Variants in TLCD4 observed in about 807,000 individuals in gnomAD.
TLCD4 encodes TLC domain-containing protein 4.
A neutral mutation model predicts 24.2 loss-of-function variants in TLCD4; 7 were observed. That is an observed-to-expected ratio of 0.29 (90% CI 0.16 to 0.54). TLCD4 has a LOEUF of 0.54. TLCD4 is among the 20% of genes least tolerant of loss of function. TLCD4 has a pLI of 0.95. For synonymous variants in TLCD4, 103 were observed against 106.4 expected (o/e 0.97, Z 0.20); for missense variants, 259 against 313.9 (o/e 0.82, Z 1.32).
At chr1:95,110,713 ACT>A in the TLCD4 span, among the ~76,000 whole-genome samples, 1 of 151,948 alleles carries the variant, frequency 6.6e-6, no homozygotes, top group Non-Finnish European at 1.5e-5. Flanking sequence ...ACATGGCAAC[ACT>A]CTGTCTCTAC....
Position 95,148,765 on chromosome 1 carries a change from T to C in TLCD4, c.219T>C (p.Asp73=), listed in dbSNP as rs933586814. 6.2e-7 allele frequency: 1 copy of C among 1,613,792 alleles called. No individual in the cohort carries two copies. Among genetic ancestry groups the C allele is most frequent in the Admixed American group, 1.7e-5 (1 of 60,016 alleles). Residue 73 remains aspartate, a synonymous_variant, in exon 3 of 7, where the codon GAT becomes GAC. Coordinates refer to ENST00000370203, the MANE Select transcript of TLCD4 (RefSeq NM_152487.3). ...TTGGCCTGTACATTTTCTTATTCGA[T>C]GAGGCTACTAAAGCTGATCCACTTT... The part of the protein sequence containing the change: ...GIFGLYIFLF[D]EATKADPLWG...
intron 2 of TLCD4, among the ~76,000 whole-genome samples, chr1:95,144,833 G>A (rs937067933): frequency 9.2e-5 from 14 of 152,058 alleles, no homozygotes; most frequent in Non-Finnish European, 1.9e-4. Context: ...TGGGATTACA[G>A]GCATGCGCCA....
At chr1:95,109,852 CT>C in the TLCD4 span, among the ~76,000 whole-genome samples, 8 of 137,678 alleles carry the variant, frequency 5.8e-5, no homozygotes, top group African/African-American at 1.1e-4. Context: ...TCTTTTTCTT[CT>C]TTTATTTTGT....
At chr1:95,106,547 G>A in the TLCD4 span, among the ~76,000 whole-genome samples, 2 of 152,050 alleles carry the variant, frequency 1.3e-5, no homozygotes, top group South Asian at 2.1e-4. Context: ...CCAAAAATTG[G>A]CTGGGCGTAG....
intron 1 of TLCD4, among the ~76,000 whole-genome samples, chr1:95,141,767 T>C (rs962017096): frequency 6.7e-6 from 1 of 148,566 alleles, no homozygotes; most frequent in Non-Finnish European, 1.5e-5. Flanking sequence ...TAGAGAAGAA[T>C]TGTAATATCA....
At chr1:95,155,779 TTTTTC>T (rs1677616044) in intron 5 of TLCD4, among the ~76,000 whole-genome samples, 1 of 151,750 alleles carries the variant, frequency 6.6e-6, no homozygotes, top group Non-Finnish European at 1.5e-5. Context: ...GATTTTTTTA[TTTTTC>T]TTTTTTTCCT....
At position 95,194,076 on chromosome 1, in the gene TLCD4, T is replaced by G. The variant is rs1484569128; in HGVS notation, c.*2208T>G. ...GTGAGTCTCCATGTAGCAGTTTGTT[T>G]TTATAGTTACTGTTTCATGCTTAAA... On this transcript the variant is annotated 3_prime_UTR_variant, in exon 7 of 7. Transcript: ENST00000370203. 6.6e-6 allele frequency: 1 copy of G among 152,106 alleles called. No individual in the cohort carries two copies. Among genetic ancestry groups the G allele is most frequent in the East Asian group, 1.9e-4 (1 of 5,196 alleles). The allele number at this position is 152,106 out of a possible 1,614,324, so 9.4% of individuals were successfully genotyped here.
chr1:95,192,209 G>A lies in TLCD4; in HGVS notation c.*341G>A, dbSNP rs967907975. On this transcript the variant is annotated 3_prime_UTR_variant, in exon 7 of 7. Transcript: ENST00000370203. ...AGCTACTCGGGAGGCTGAGGCAGGA[G>A]AATCGCTTGAACCCGAGAGACGGAG... is the stretch of plus-strand genomic sequence containing the variant. 6 of 202,266 alleles carry A rather than the reference G, an allele frequency of 3.0e-5. No individual in the cohort carries two copies. Among genetic ancestry groups the A allele is most frequent in the Non-Finnish European group, 5.9e-5 (6 of 102,154 alleles). 12.5% of individuals were successfully genotyped at this position (202,266 alleles called of 1,614,324 possible).
chr1:95,097,714 GA>G, the TLCD4 span, among the ~76,000 whole-genome samples: 1 of 151,992 alleles, frequency 6.6e-6, no homozygotes, highest in Non-Finnish European at 1.5e-5. Flanking sequence ...GCCCCCTTTT[GA>G]AAGGAGATGG....
intron 1 of TLCD4, among the ~76,000 whole-genome samples, chr1:95,123,989 C>T (rs1676642795): frequency 6.6e-6 from 1 of 152,184 alleles, no homozygotes; most frequent in African/African-American, 2.4e-5. Flanking sequence ...AATATTCACT[C>T]AGCAGTGAAA....
intron 6 of TLCD4, among the ~76,000 whole-genome samples, chr1:95,190,619 G>A (rs969441320): frequency 4.0e-5 from 6 of 151,234 alleles, no homozygotes; most frequent in Admixed American, 1.3e-4. Flanking sequence ...GAGCCACTGC[G>A]CCTGGCTGGC....
chr1:95,137,627 A>T lies in TLCD4; in HGVS notation c.-11-6264A>T, dbSNP rs75885829. 4.4e-3 allele frequency among the ~76,000 whole-genome samples: 673 copies of T among 151,878 alleles called. 28 individuals carry two copies. In the East Asian group the frequency reaches 0.092, roughly 21 times the overall value. On this transcript the variant is annotated intron_variant, in intron 1 of 6. Transcript: ENST00000370203. ...AACTGAGTCTGTTTTTTCTAAAGTC[A>T]ATTTCCTTTAAAATTGCCCCTTCTT...
At chr1:95,127,051 A>G (rs1352165678) in intron 1 of TLCD4, among the ~76,000 whole-genome samples, 2 of 152,256 alleles carry the variant, frequency 1.3e-5, no homozygotes, top group East Asian at 3.9e-4. Flanking sequence ...CACTTAAGCC[A>G]CATAACTATC....
chr1:95,187,984 G>T (rs1448288629), intron 6 of TLCD4, among the ~76,000 whole-genome samples: 5 of 152,076 alleles, frequency 3.3e-5, no homozygotes, highest in African/African-American at 1.2e-4. Flanking sequence ...TCTTTTAAGG[G>T]CACTGGTCCT....
chr1:95,147,711 C>A (rs1187882646), intron 2 of TLCD4, among the ~76,000 whole-genome samples: 1 of 152,014 alleles, frequency 6.6e-6, no homozygotes, highest in Non-Finnish European at 1.5e-5. Context: ...TATTGCACAC[C>A]AGTAATTTTT....
At position 95,135,719 on chromosome 1, in the gene TLCD4, A is replaced by C. The variant is rs182954595; in HGVS notation, c.-11-8172A>C. Among the ~76,000 whole-genome samples the C allele has an allele frequency of 9.9e-4, 150 of 151,930 alleles. 1 individual carries two copies. The highest frequency in any genetic ancestry group is 3.3e-3 in the African/African-American group (137 of 41,402). ...AGCCACAACACTTCTTTAAATGTTC[A>C]AGGAATGCTCTCAAGTTCGTTTTGT... On this transcript the variant is annotated intron_variant, in intron 1 of 6. Transcript: ENST00000370203.
chr1:95,161,915 C>G (rs1677822449), intron 5 of TLCD4, among the ~76,000 whole-genome samples: 1 of 152,204 alleles, frequency 6.6e-6, no homozygotes, highest in South Asian at 2.1e-4. Flanking sequence ...GAGTGCTTTA[C>G]TTCCAACTGT....
At chr1:95,142,130 C>CTTTT (rs35609217) in intron 1 of TLCD4, among the ~76,000 whole-genome samples, 38 of 119,268 alleles carry the variant, frequency 3.2e-4, no homozygotes, top group Non-Finnish European at 5.3e-4. Context: ...GCCTTAGTGC[C>CTTTT]TTTTTTTTTT....
chr1:95,121,198 T>C (rs561354868), intron 1 of TLCD4: 66 of 152,344 alleles, frequency 4.3e-4, no homozygotes, highest in African/African-American at 1.4e-3. Context: ...AGCACATTTC[T>C]TTAGAGCAGT....
Sources: gnomAD v4.1 joint callset for allele counts (sites outside exome capture counted in the v4.1 genomes callset) on GRCh38, gnomAD v4.1.1 for gene constraint, MANE v1.5 for transcripts, NCBI Gene and HGNC (gene_info 2026-07-23, HGNC 2026-07-21) for gene names.